The following ABCC4 variants were observed in gnomAD, a reference collection of about 807,000 sequenced individuals.
The protein encoded by ABCC4 is ATP-binding cassette sub-family C member 4.
Under a neutral mutation model 168.5 loss-of-function variants are expected in ABCC4, and 102 were observed. The ratio of observed to expected loss-of-function variants is 0.61; its 90% CI spans 0.52 to 0.71. The LOEUF (loss-of-function observed/expected upper bound fraction) is 0.71, where lower values mean the gene tolerates loss of function less well. Among genes scored for constraint, ABCC4 ranks in the 30% least tolerant of loss-of-function variants. The pLI is 0.00. For synonymous variants in ABCC4, 617 were observed against 590.7 expected (o/e 1.04, Z -0.65); for missense variants, 1,402 against 1,605.8 (o/e 0.87, Z 2.17).
rs368659653 is a variant in ABCC4 at position 95,025,243 on chromosome 13, A to G, written c.3871-3561T>C. On this transcript the variant is annotated intron_variant, in intron 30 of 30. Transcript: ENST00000645237. ...CACCCCCACACACACCCATACACAC[A>G]CACCCACACACACACACACCCCCAC... Among the ~76,000 whole-genome samples the G allele has an allele frequency of 6.6e-5, 3 of 45,144 alleles. No homozygotes were observed. The East Asian group carries it at 2.6e-3, about 39-fold the overall frequency. The allele number at this position is 45,144 out of a possible 152,430, so 29.6% of individuals were successfully genotyped here.
chr13:95,257,820 C>T (rs1273046937), intron 1 of ABCC4, among the ~76,000 whole-genome samples: 1 of 152,162 alleles, frequency 6.6e-6, no homozygotes, highest in Non-Finnish European at 1.5e-5. Context: ...GTAATTCACA[C>T]TTCTCAAGGC....
In ABCC4 at chr13:95,074,222, A is replaced by G. The variant is rs772075884; in HGVS notation, c.2909T>C (p.Leu970Pro). ...TTCACATCTGTACTTACTTTTTGCC[A>G]GAATCAGGGACCCAAAGGCAACGAT... is the stretch of plus-strand genomic sequence containing the variant. ...VIIVAFGSLI[L>P]AKTLDAGQVG... Residue 970 changes from leucine to proline, a missense_variant, in exon 23 of 31, where the codon CTG becomes CCG. Physicochemically the swap from Leu to Pro is moderately conservative, Grantham distance 98. Coordinates refer to ENST00000645237, the MANE Select transcript of ABCC4 (RefSeq NM_005845.5). 1 of 1,611,884 alleles carries G rather than the reference A, an allele frequency of 6.2e-7. No individual in the cohort carries two copies. The highest frequency in any genetic ancestry group is 1.1e-5 in the South Asian group (1 of 90,728).
At position 95,209,615 on chromosome 13, in the gene ABCC4, G is replaced by A. The variant is rs780346983; in HGVS notation, c.622-18C>T. On this transcript the variant is annotated intron_variant, in intron 5 of 30. Coordinates refer to ENST00000645237, the MANE Select transcript of ABCC4 (RefSeq NM_005845.5). Reference sequence around the variant, plus strand: ...ACTGTCACCTTTAAAGAAAAAGACAGAGCGTTCTTAGGACTCCAGAAAAGC... The same window carrying A: ...ACTGTCACCTTTAAAGAAAAAGACAAAGCGTTCTTAGGACTCCAGAAAAGC... The A allele has an allele frequency of 3.1e-6, 5 of 1,603,334 alleles. No individual in the cohort carries two copies. The highest frequency in any genetic ancestry group is 8.5e-7 in the Non-Finnish European group (1 of 1,174,570).
At chr13:95,178,544 G>C (rs894036484) in intron 11 of ABCC4, among the ~76,000 whole-genome samples, 2 of 152,228 alleles carry the variant, frequency 1.3e-5, no homozygotes, top group Admixed American at 1.3e-4. Context: ...CTCTGATCGA[G>C]GGGGTCTGAG....
intron 20 of ABCC4, among the ~76,000 whole-genome samples, chr13:95,112,535 T>C (rs1377727254): frequency 1.3e-5 from 2 of 152,202 alleles, no homozygotes; most frequent in African/African-American, 4.8e-5. Flanking sequence ...TGGATTTTAA[T>C]CTTCATTCTA....
intron 1 of ABCC4, among the ~76,000 whole-genome samples, chr13:95,268,735 G>A (rs1365112532): frequency 1.3e-5 from 2 of 151,848 alleles, no homozygotes; most frequent in Non-Finnish European, 2.9e-5. Flanking sequence ...TTGTTCACAT[G>A]TTTTCCTGCT....
intron 1 of ABCC4, among the ~76,000 whole-genome samples, chr13:95,284,987 T>C (rs575744941): frequency 1.3e-5 from 2 of 152,330 alleles, no homozygotes; most frequent in East Asian, 3.8e-4. Flanking sequence ...GGCTCATGTC[T>C]GTATTCCTAG....
chr13:95,134,538 G>A (rs1405119869), intron 19 of ABCC4, among the ~76,000 whole-genome samples: 1 of 152,030 alleles, frequency 6.6e-6, no homozygotes, highest in Non-Finnish European at 1.5e-5. Flanking sequence ...CTGGACAACA[G>A]GGCAAAACTC....
chr13:95,279,797 T>TG (rs767578347), intron 1 of ABCC4, among the ~76,000 whole-genome samples: 1 of 152,008 alleles, frequency 6.6e-6, no homozygotes, highest in African/African-American at 2.4e-5. Flanking sequence ...AGAAAGGGGA[T>TG]GGGGAAGTGG....
chr13:95,276,974 G>A (rs368250078), intron 1 of ABCC4, among the ~76,000 whole-genome samples: 1 of 151,750 alleles, frequency 6.6e-6, no homozygotes, highest in South Asian at 2.1e-4. Context: ...AGCCGAAGTC[G>A]CACCACTGCA....
chr13:95,287,701 G>A (rs1010263529), intron 1 of ABCC4, among the ~76,000 whole-genome samples: 5 of 151,862 alleles, frequency 3.3e-5, no homozygotes, highest in Admixed American at 2.6e-4. Flanking sequence ...TAGTGTGCCT[G>A]TGAATAGCCA....
intron 13 of ABCC4, among the ~76,000 whole-genome samples, chr13:95,175,767 C>T (rs72643637): frequency 0.15 from 23,463 of 152,198 alleles, 2,513 homozygotes; most frequent in Non-Finnish European, 0.22. Flanking sequence ...AGAAAGCCCT[C>T]GGGAGGAGCT....
chr13:95,100,507 G>A (rs2034759202), intron 20 of ABCC4, among the ~76,000 whole-genome samples: 1 of 152,180 alleles, frequency 6.6e-6, no homozygotes, highest in African/African-American at 2.4e-5. Context: ...TTGTTAGAGT[G>A]GGCCTGTGTG....
At position 95,294,786 on chromosome 13, in the gene ABCC4, C is replaced by T. The variant is rs149916965; in HGVS notation, c.74+6455G>A. On this transcript the variant is annotated intron_variant, in intron 1 of 30. Transcript: ENST00000645237. ...TGGACAACATGTTGAAACCCCATCT[C>T]TCCTAAAAGTACAAAAAATTAGCTG... Among the ~76,000 whole-genome samples the T allele has an allele frequency of 1.1e-3, 172 of 152,146 alleles. 1 individual carries two copies. The highest frequency in any genetic ancestry group is 4.0e-3 in the African/African-American group (165 of 41,530).
At chr13:95,072,282 G>A (rs1247103705) in intron 24 of ABCC4, among the ~76,000 whole-genome samples, 1 of 152,152 alleles carries the variant, frequency 6.6e-6, no homozygotes, top group Non-Finnish European at 1.5e-5. Flanking sequence ...TCAACATGGT[G>A]AAACCCCATT....
chr13:95,213,332 G>A (rs148277126), intron 4 of ABCC4, among the ~76,000 whole-genome samples: 1 of 152,312 alleles, frequency 6.6e-6, no homozygotes, highest in African/African-American at 2.4e-5. Context: ...GGACTGACCT[G>A]GCTTTATGCC....
intron 13 of ABCC4, among the ~76,000 whole-genome samples, chr13:95,170,923 C>G (rs747184128): frequency 6.6e-6 from 1 of 151,922 alleles, no homozygotes; most frequent in African/African-American, 2.4e-5. Flanking sequence ...TTTGACTTAA[C>G]TAAAACACTA....
intron 14 of ABCC4, 84 bp from the exon 15 acceptor site, chr13:95,166,451 ACTGATCTT>A (rs2037274790): frequency 1.7e-6 from 2 of 1,187,230 alleles, no homozygotes; most frequent in Non-Finnish European, 2.4e-6. Flanking sequence ...AGAAAAAGTA[ACTGATCTT>A]AAGTTATGAT....
intron 1 of ABCC4, among the ~76,000 whole-genome samples, chr13:95,296,086 T>C (rs1031319672): frequency 4.0e-5 from 6 of 150,460 alleles, no homozygotes; most frequent in African/African-American, 7.4e-5. Flanking sequence ...TGAGCCATGA[T>C]TGCATCACTG....
Sources: gnomAD v4.1 joint callset for allele counts (sites outside exome capture counted in the v4.1 genomes callset) on GRCh38, gnomAD v4.1.1 for gene constraint, MANE v1.5 for transcripts, NCBI Gene and HGNC (gene_info 2026-07-23, HGNC 2026-07-21) for gene names.